TESC: variants seen among roughly 807,000 people sequenced by gnomAD.
The protein encoded by TESC is tescalcin, also known as calcineurin B homologous protein 3.
Under a neutral mutation model 31.0 loss-of-function variants are expected in TESC, and 19 were observed. That is an observed-to-expected ratio of 0.61 (90% CI 0.43 to 0.90). The LOEUF is 0.90. TESC is among the 40% of genes least tolerant of loss of function. The pLI is 0.00. For missense variants in TESC, 248 were observed against 303.8 expected (o/e 0.82, Z 1.36); for synonymous variants, 109 against 114.8 (o/e 0.95, Z 0.32).
At chr12:117,075,363 AAAAACAAGACAGAAAAAAAAATCACTG>A (rs781020338) in intron 1 of TESC, 23 bp from the exon 2 acceptor site, 2 of 1,603,840 alleles carry the variant, frequency 1.2e-6, no homozygotes, top group South Asian at 2.2e-5. Context: ...GGAAAGAGAG[AAAAACAAGACAGAAAAAAAAATCACTG>A]ACTGTCAGAG....
rs74375460 is a variant in TESC, at chr12:117,051,737, G to A, written c.210-2579C>T. Among the ~76,000 whole-genome samples the A allele has an allele frequency of 2.0e-3, 307 of 152,178 alleles. 11 individuals are homozygous for A. The East Asian group carries it at 0.051, about 25-fold the overall frequency. ...AAGGCAGGTGTGTGTCCTTCTCTGGGAACCTTGTGACCGGCACTGCTTCAG... is the reference window on the plus strand; with the variant it reads ...AAGGCAGGTGTGTGTCCTTCTCTGGAAACCTTGTGACCGGCACTGCTTCAG... On this transcript the variant is annotated intron_variant, in intron 3 of 7. Transcript: ENST00000335209.
Position 117,070,753 on chromosome 12 carries a change from G to A in TESC, c.128+4518C>T, listed in dbSNP as rs577310103. Among the ~76,000 whole-genome samples the A allele has an allele frequency of 5.3e-5, 8 of 152,144 alleles. No individual in the cohort carries two copies. In the East Asian group the frequency reaches 9.7e-4, roughly 18 times the overall value. ...GAGCGTCCCTACCTCTACTTCCTAT[G>A]GGGTTCTGTAGGACTGAAGTCAGCC... On this transcript the variant is annotated intron_variant, in intron 2 of 7. Coordinates refer to ENST00000335209, the MANE Select transcript of TESC (RefSeq NM_017899.4).
chr12:117,057,690 C>T (rs1445426500), intron 2 of TESC, among the ~76,000 whole-genome samples: 2 of 152,144 alleles, frequency 1.3e-5, no homozygotes, highest in Admixed American at 6.5e-5. Flanking sequence ...ATTGCTCACC[C>T]GTAAAGCAGA....
At chr12:117,067,926 G>C (rs185779746) in intron 2 of TESC, among the ~76,000 whole-genome samples, 32 of 152,168 alleles carry the variant, frequency 2.1e-4, no homozygotes, top group Admixed American at 5.2e-4. Flanking sequence ...AGACAGTCTT[G>C]CTTCATCACC....
At chr12:117,090,393 A>T (rs1170901400) in intron 1 of TESC, among the ~76,000 whole-genome samples, 1 of 152,230 alleles carries the variant, frequency 6.6e-6, no homozygotes, top group African/African-American at 2.4e-5. Context: ...GAATTACTAA[A>T]AAAAGTTATA....
intron 1 of TESC, among the ~76,000 whole-genome samples, chr12:117,095,824 G>A (rs1955385724): frequency 2.0e-5 from 3 of 152,096 alleles, no homozygotes; most frequent in Admixed American, 2.0e-4. Context: ...AGGTTGCAGT[G>A]AGCTTGATCA....
chr12:117,093,908 T>C (rs1470156207), intron 1 of TESC, among the ~76,000 whole-genome samples: 2 of 152,104 alleles, frequency 1.3e-5, no homozygotes, highest in Non-Finnish European at 2.9e-5. Flanking sequence ...CTCTGTCTTA[T>C]TATTTCCTTT....
intron 3 of TESC, among the ~76,000 whole-genome samples, chr12:117,054,281 C>A (rs1189977185): frequency 3.3e-5 from 5 of 152,068 alleles, no homozygotes; most frequent in Admixed American, 3.3e-4. Flanking sequence ...AGTCACAGCA[C>A]CCTCTGCAAA....
intron 2 of TESC, among the ~76,000 whole-genome samples, chr12:117,070,368 C>T (rs919416000): frequency 1.3e-5 from 2 of 152,152 alleles, no homozygotes; most frequent in African/African-American, 4.8e-5. Context: ...TGGAAGGAGG[C>T]CCTTCCTGTA....
intron 2 of TESC, among the ~76,000 whole-genome samples, chr12:117,069,702 G>A (rs944495344): frequency 2.6e-5 from 4 of 152,132 alleles, no homozygotes; most frequent in East Asian, 3.9e-4. Context: ...GATAAGAAAC[G>A]GTGGCTTAAA....
chr12:117,097,533 G>A (rs1001437088), intron 1 of TESC, among the ~76,000 whole-genome samples: 3 of 152,196 alleles, frequency 2.0e-5, no homozygotes, highest in Non-Finnish European at 4.4e-5. Context: ...AAAGCAGTGG[G>A]AGGCGAGGAG....
chr12:117,063,311 G>A (rs1954824732), intron 2 of TESC, among the ~76,000 whole-genome samples: 1 of 152,100 alleles, frequency 6.6e-6, no homozygotes, highest in African/African-American at 2.4e-5. Context: ...ACGTTAAAGA[G>A]AGAAAGAGCG....
intron 1 of TESC, among the ~76,000 whole-genome samples, chr12:117,097,292 C>T (rs1395989136): frequency 1.3e-5 from 2 of 152,272 alleles, no homozygotes; most frequent in Admixed American, 6.5e-5. Flanking sequence ...GAAGGGAAGC[C>T]GCTGCAGCTA....
chr12:117,068,432 G>A (rs1468130185), intron 2 of TESC, among the ~76,000 whole-genome samples: 1 of 152,196 alleles, frequency 6.6e-6, no homozygotes, highest in Non-Finnish European at 1.5e-5. Context: ...GGGAGGCTGA[G>A]GAAGGACAAT....
intron 2 of TESC, among the ~76,000 whole-genome samples, chr12:117,072,618 T>C (rs1261586197): frequency 6.6e-6 from 1 of 152,200 alleles, no homozygotes; most frequent in Non-Finnish European, 1.5e-5. Context: ...ATCAGATGCA[T>C]AACAATAAGT....
At chr12:117,046,418 G>A in intron 6 of TESC, 141 bp downstream of exon 6, 1 of 766,630 alleles carries the variant, frequency 1.3e-6, no homozygotes, top group Non-Finnish European at 2.0e-6. Flanking sequence ...GAAGGGCTGG[G>A]AGAGGTTCCT....
intron 2 of TESC, among the ~76,000 whole-genome samples, chr12:117,067,763 C>T (rs1193138203): frequency 6.6e-6 from 1 of 152,184 alleles, no homozygotes; most frequent in African/African-American, 2.4e-5. Flanking sequence ...GCCTCAGTTG[C>T]TTAATCTGTA....
At chr12:117,056,721 G>C in intron 3 of TESC, 85 bp downstream of exon 3, 1 of 1,447,734 alleles carries the variant, frequency 6.9e-7, no homozygotes, top group South Asian at 1.1e-5. Flanking sequence ...TCAGCTCAAA[G>C]GGTCATTCTA....
At chr12:117,086,058 T>C (rs1955215758) in intron 1 of TESC, among the ~76,000 whole-genome samples, 1 of 152,022 alleles carries the variant, frequency 6.6e-6, no homozygotes, top group Non-Finnish European at 1.5e-5. Flanking sequence ...TACTGCAGGA[T>C]GCTATTTACA....
Sources: gnomAD v4.1 joint callset for allele counts (sites outside exome capture counted in the v4.1 genomes callset) on GRCh38, gnomAD v4.1.1 for gene constraint, MANE v1.5 for transcripts, NCBI Gene and HGNC (gene_info 2026-07-23, HGNC 2026-07-21) for gene names.